KIAA1217: variants seen among roughly 807,000 people sequenced by gnomAD.
KIAA1217 encodes sickle tail protein homolog.
Under a neutral mutation model 163.9 loss-of-function variants are expected in KIAA1217, and 88 were observed. The ratio of observed to expected loss-of-function variants is 0.54; its 90% confidence interval spans 0.45 to 0.64. KIAA1217 has a LOEUF of 0.64. Ranked by LOEUF, KIAA1217 falls within the 30% of genes least tolerant of loss-of-function variation. The pLI is 0.00. For missense variants in KIAA1217, 2,372 were observed against 2,475.0 expected, an observed-to-expected ratio of 0.96 and a Z score of 0.88; for synonymous variants, 903 against 923.1, an observed-to-expected ratio of 0.98 and a Z score of 0.39.
At chr10:24,340,058 C>G (rs2133801354) in intron 2 of KIAA1217, among the ~76,000 whole-genome samples, 1 of 152,316 alleles carries the variant, frequency 6.6e-6, no homozygotes, top group Middle Eastern at 3.4e-3. Flanking sequence ...AAAAGGATGT[C>G]TAACCATCCA....
intron 2 of KIAA1217, among the ~76,000 whole-genome samples, chr10:24,055,064 G>A (rs1849791861): frequency 6.6e-6 from 1 of 151,932 alleles, no homozygotes; most frequent in African/African-American, 2.4e-5. Context: ...CTCAGGAGTT[G>A]GAGACCATCC....
chr10:23,946,081 G>A (rs1026947099), intron 1 of KIAA1217, among the ~76,000 whole-genome samples: 4 of 151,996 alleles, frequency 2.6e-5, no homozygotes, highest in African/African-American at 9.7e-5. Context: ...GCCATTAATA[G>A]TTATGGCAGA....
chr10:23,761,528 G>A (rs1834259782), intron 1 of KIAA1217, among the ~76,000 whole-genome samples: 1 of 152,164 alleles, frequency 6.6e-6, no homozygotes, highest in South Asian at 2.1e-4. Context: ...TCATTCAGGA[G>A]CAAGTTGTTC....
rs531612460 is a variant in KIAA1217, at chr10:23,908,279, T to C, written c.-320-98946T>C. Reference sequence around the variant, plus strand: ...TGGATGGAAGAGTCTATGGATGTATTGTTTTTTTTCAAATCTTTTCCATAA... The same window carrying C: ...TGGATGGAAGAGTCTATGGATGTATCGTTTTTTTTCAAATCTTTTCCATAA... On this transcript the variant is annotated intron_variant, in intron 1 of 18. Transcript: ENST00000376462. Among the ~76,000 whole-genome samples, 14 of 148,804 alleles carry C rather than the reference T, an allele frequency of 9.4e-5. No homozygotes were observed. In the South Asian group the frequency reaches 2.9e-3, roughly 31 times the overall value.
intron 1 of KIAA1217, among the ~76,000 whole-genome samples, chr10:23,735,315 C>T (rs1838734387): frequency 6.6e-6 from 1 of 151,988 alleles, no homozygotes; most frequent in South Asian, 2.1e-4. Flanking sequence ...CTCACTGCAA[C>T]CTCCACCTCC....
In KIAA1217 at chr10:24,126,349, G is replaced by T. The variant is rs530840985; in HGVS notation, c.-170-93277G>T. On this transcript the variant is annotated intron_variant, in intron 2 of 18. Transcript: ENST00000376462. ...ATTGCTATAGTTTTTATTTCTAGAT[G>T]ATGTATTGTTTTAATACATATTTTT... is the stretch of plus-strand genomic sequence containing the variant. Among the ~76,000 whole-genome samples the T allele has an allele frequency of 2.0e-5, 3 of 152,148 alleles. No homozygotes were observed. In the South Asian group the frequency reaches 6.2e-4, roughly 32 times the overall value.
At chr10:23,921,675 G>T (rs1266043164) in intron 1 of KIAA1217, among the ~76,000 whole-genome samples, 1 of 152,070 alleles carries the variant, frequency 6.6e-6, no homozygotes, top group East Asian at 1.9e-4. Flanking sequence ...CTTCGGGGAG[G>T]GTGTTCAGGG....
At chr10:24,137,827 C>T (rs1197394003) in intron 2 of KIAA1217, among the ~76,000 whole-genome samples, 1 of 152,156 alleles carries the variant, frequency 6.6e-6, no homozygotes, top group Non-Finnish European at 1.5e-5. Context: ...TTAGTAAAAA[C>T]ACTTCTTTTC....
intron 1 of KIAA1217, among the ~76,000 whole-genome samples, chr10:23,759,520 T>C (rs1002482825): frequency 1.3e-5 from 2 of 152,238 alleles, no homozygotes; most frequent in Non-Finnish European, 2.9e-5. Flanking sequence ...CCTTTCACCA[T>C]TGAGTATGAT....
intron 2 of KIAA1217, among the ~76,000 whole-genome samples, chr10:24,242,101 G>T (rs1484503509): frequency 6.6e-6 from 1 of 152,110 alleles, no homozygotes; most frequent in African/African-American, 2.4e-5. Flanking sequence ...TCTATAAGGA[G>T]AAAAGCAAAT....
intron 2 of KIAA1217, among the ~76,000 whole-genome samples, chr10:24,356,636 A>C (rs1272448830): frequency 1.3e-5 from 2 of 152,224 alleles, no homozygotes; most frequent in African/African-American, 2.4e-5. Flanking sequence ...GAATGAATTA[A>C]TTCTGTTATC....
In KIAA1217 at chr10:24,074,623, CTT is replaced by C. The variant is rs573471276; in HGVS notation, c.-171+67250_-171+67251del. Among the ~76,000 whole-genome samples, 383 of 151,362 alleles carry C rather than the reference CTT, an allele frequency of 2.5e-3. 1 individual carries two copies. Among genetic ancestry groups the C allele is most frequent in the African/African-American group, 8.8e-3 (363 of 41,306 alleles). ...ATGATATTTCCTTGAGGTTCAATGT[CTT>C]GTTTCTTTTTTTGCTTTCTGTTCTT... On this transcript the variant is annotated intron_variant, in intron 2 of 18. Coordinates refer to the KIAA1217 transcript ENST00000376462.
At chr10:23,731,040 T>C (rs1167802135) in intron 1 of KIAA1217, among the ~76,000 whole-genome samples, 1 of 152,172 alleles carries the variant, frequency 6.6e-6, no homozygotes, top group Non-Finnish European at 1.5e-5. Context: ...TGAAAAGGGG[T>C]GATAAGAGGG....
At chr10:24,023,319 CTGTT>C (rs1847811610) in intron 2 of KIAA1217, among the ~76,000 whole-genome samples, 1 of 151,658 alleles carries the variant, frequency 6.6e-6, no homozygotes, top group African/African-American at 2.4e-5. Context: ...TTCTGGCAAA[CTGTT>C]TGCCAGTATC....
intron 1 of KIAA1217, among the ~76,000 whole-genome samples, chr10:23,953,087 T>G (rs1233416407): frequency 1.3e-5 from 2 of 152,226 alleles, no homozygotes; most frequent in African/African-American, 4.8e-5. Flanking sequence ...ATCTTACATA[T>G]TTTTTAAAGG....
intron 2 of KIAA1217, among the ~76,000 whole-genome samples, chr10:24,059,263 G>A (rs539587606): frequency 8.3e-4 from 127 of 152,122 alleles, no homozygotes; most frequent in Non-Finnish European, 1.3e-3. Context: ...TTAGTGTGGT[G>A]TTGAATTCAG....
At chr10:24,127,921 A>C (rs1021543301) in intron 2 of KIAA1217, among the ~76,000 whole-genome samples, 1 of 152,246 alleles carries the variant, frequency 6.6e-6, no homozygotes, top group Non-Finnish European at 1.5e-5. Flanking sequence ...GTCAGCAATA[A>C]GACACAATTG....
intron 2 of KIAA1217, among the ~76,000 whole-genome samples, chr10:24,286,056 G>A (rs1184677244): frequency 6.6e-6 from 1 of 152,108 alleles, no homozygotes; most frequent in Non-Finnish European, 1.5e-5. Context: ...TTTGTATGTT[G>A]ATTTCATATC....
At chr10:24,351,128 A>G (rs2048408387) in intron 2 of KIAA1217, among the ~76,000 whole-genome samples, 2 of 152,082 alleles carry the variant, frequency 1.3e-5, no homozygotes, top group Non-Finnish European at 2.9e-5. Flanking sequence ...TTGTATTTTT[A>G]GTAGAGTTGG....
Sources: allele counts gnomAD v4.1 joint callset (sites outside exome capture counted in the v4.1 genomes callset), GRCh38; gene constraint gnomAD v4.1.1; transcripts MANE v1.5; gene names NCBI Gene and HGNC (gene_info 2026-07-23, HGNC 2026-07-21).